The following C10orf71 variants were observed in gnomAD, a reference collection of about 807,000 sequenced individuals.
C10orf71 encodes the protein chromosome 10 open reading frame 71.
For synonymous variants in C10orf71, 758 were observed against 726.3 expected, an observed-to-expected ratio of 1.04 and a Z score of -0.70; for missense variants, 1,869 against 1,804.5, an observed-to-expected ratio of 1.04 and a Z score of -0.65.
intron 1 of C10orf71, among the ~76,000 whole-genome samples, chr10:49,312,862 A>G (rs113701528): frequency 1.4e-4 from 22 of 152,354 alleles, no homozygotes; most frequent in African/African-American, 5.1e-4. Context: ...ATTCAAATTC[A>G]CTAATTTGAA....
chr10:49,316,986 A>T (rs1849010079), intron 2 of C10orf71, among the ~76,000 whole-genome samples: 1 of 152,238 alleles, frequency 6.6e-6, no homozygotes, highest in African/African-American at 2.4e-5. Flanking sequence ...AATTGGGTAG[A>T]GACTGCTTGG....
Position 49,324,147 on chromosome 10 carries a change from G to C in C10orf71, c.1602G>C (p.Lys534Asn), listed in dbSNP as rs923314523. The change falls in exon 3 of 3, where the codon AAG (lysine) becomes AAC (asparagine). Residue 534 changes from lysine to asparagine, a missense_variant. Physicochemically the swap from Lys to Asn is moderately conservative, Grantham distance 94. Transcript: ENST00000374144. ...AAACTAGAGGTAAGGTTGATGGAAAGCAAGAACCTGTGAGCAACGGTGTCA... is the reference window on the plus strand; with the variant it reads ...AAACTAGAGGTAAGGTTGATGGAAACCAAGAACCTGTGAGCAACGGTGTCA... ...DEKTRGKVDG[K>N]QEPVSNGVIL... The C allele has an allele frequency of 6.2e-7, 1 of 1,614,006 alleles. No homozygotes were observed. The highest frequency in any genetic ancestry group is 2.2e-5 in the East Asian group (1 of 44,882).
chr10:49,297,358 T>C (rs1248662942), upstream of C10orf71, among the ~76,000 whole-genome samples: 1 of 152,254 alleles, frequency 6.6e-6, no homozygotes, highest in African/African-American at 2.4e-5. Context: ...GTAAATTTGT[T>C]TCAATGTGTA....
At chr10:49,315,827 A>T (rs1848991038) in intron 1 of C10orf71, among the ~76,000 whole-genome samples, 1 of 152,216 alleles carries the variant, frequency 6.6e-6, no homozygotes, top group Non-Finnish European at 1.5e-5. Flanking sequence ...AGGCCAAGGC[A>T]GGCAGATCAC....
In C10orf71 at chr10:49,324,559, C is replaced by T; in HGVS notation, c.2014C>T (p.Leu672Phe). 3 of 1,613,812 alleles carry T rather than the reference C, an allele frequency of 1.9e-6. No homozygotes were observed. Among genetic ancestry groups the T allele is most frequent in the Non-Finnish European group, 2.5e-6 (3 of 1,179,814 alleles). ...KMKTHQLENGLSRSVSQETEP... is the reference protein window; with the variant it reads ...KMKTHQLENGFSRSVSQETEP... Reference sequence around the variant, plus strand: ...GAAGACCCACCAGCTAGAGAATGGGCTCTCCAGATCTGTGTCCCAAGAGAC... The same window carrying T: ...GAAGACCCACCAGCTAGAGAATGGGTTCTCCAGATCTGTGTCCCAAGAGAC... Residue 672 changes from leucine (L) to phenylalanine (F), a missense_variant, in exon 3 of 3, where the codon CTC becomes TTC. Physicochemically the swap from Leu to Phe is conservative, Grantham distance 22. Transcript: ENST00000374144.
Position 49,322,877 on chromosome 10 carries a change from A to G in C10orf71, c.332A>G (p.Lys111Arg), listed in dbSNP as rs1305762423. The change falls in exon 3 of 3, where the codon AAG becomes AGG. Residue 111 changes from lysine to arginine, a missense_variant. Physicochemically the swap from Lys to Arg is conservative, Grantham distance 26. Coordinates refer to ENST00000374144, the MANE Select transcript of C10orf71 (RefSeq NM_001135196.2). Reference sequence around the variant, plus strand: ...CCCAAGTACGTTCAGGGAGAGGAAAAGTACCCCAAAACCAGCCCCCCACCA... The same window carrying G: ...CCCAAGTACGTTCAGGGAGAGGAAAGGTACCCCAAAACCAGCCCCCCACCA... ...QLPKYVQGEEKYPKTSPPPTP... is the reference protein window; with the variant it reads ...QLPKYVQGEERYPKTSPPPTP... 1.2e-6 allele frequency: 2 copies of G among 1,613,816 alleles called. No individual in the cohort carries two copies. Among genetic ancestry groups the G allele is most frequent in the African/African-American group, 2.7e-5 (2 of 74,906 alleles).
chr10:49,304,203 C>A (rs1250897918), intron 1 of C10orf71, among the ~76,000 whole-genome samples: 3 of 152,212 alleles, frequency 2.0e-5, no homozygotes, highest in Non-Finnish European at 4.4e-5. Context: ...TTGCTACCCA[C>A]TCCTCGCCCT....
Position 49,325,620 on chromosome 10 carries a change from A to C in C10orf71, c.3075A>C (p.Glu1025Asp), listed in dbSNP as rs1849215786. 6.4e-7 allele frequency: 1 copy of C among 1,552,020 alleles called. No individual in the cohort carries two copies. The highest frequency in any genetic ancestry group is 2.4e-5 in the East Asian group (1 of 40,924). ...CATGGCAGCCCGAAAACTGTTGGGA[A>C]GAGCAAACACCAGGTTTCAAGAGTC... The part of the protein sequence containing the change: ...PPPWQPENCW[E>D]EQTPGFKSHF... The change falls in exon 3 of 3, where the codon GAA (glutamate) becomes GAC (aspartate). Residue 1025 changes from glutamate (E) to aspartate (D), a missense_variant. Transcript: ENST00000374144.
In C10orf71 at chr10:49,322,741, A is replaced by C; in HGVS notation, c.196A>C (p.Thr66Pro). 3.7e-6 allele frequency: 6 copies of C among 1,613,754 alleles called. No individual in the cohort carries two copies. Among genetic ancestry groups the C allele is most frequent in the Non-Finnish European group, 4.2e-6 (5 of 1,179,744 alleles). ...GGATATCACCCGACAGGTGTTTGGG[A>C]CTTTTCACCAGAGAACAGTGGGCCA... is the stretch of plus-strand genomic sequence containing the variant. ...SPDITRQVFG[T>P]FHQRTVGHTQ... Residue 66 changes from threonine (T) to proline (P), a missense_variant, in exon 3 of 3, where the codon ACT becomes CCT. Transcript: ENST00000374144.
chr10:49,308,363 C>T (rs890360620), intron 1 of C10orf71, among the ~76,000 whole-genome samples: 2 of 152,240 alleles, frequency 1.3e-5, no homozygotes, highest in African/African-American at 2.4e-5. Flanking sequence ...CTTGTTCTCT[C>T]CCAGGGCACA....
chr10:49,312,300 T>C (rs1221155374), intron 1 of C10orf71, among the ~76,000 whole-genome samples: 1 of 152,204 alleles, frequency 6.6e-6, no homozygotes, highest in African/African-American at 2.4e-5. Context: ...CCAGGGATCC[T>C]GTTTCCCCTA....
Position 49,322,788 on chromosome 10 carries a change from T to A in C10orf71, c.243T>A (p.Ile81=), listed in dbSNP as rs373800620. The part of the protein sequence containing the change: ...TVGHTQRKSG[I]WSQLPSQGTE... The stretch of plus-strand genomic sequence containing the variant: ...GCCACACCCAGAGGAAAAGTGGCAT[T>A]TGGAGCCAGTTACCGTCACAGGGCA... Residue 81 remains isoleucine (I), a synonymous_variant, in exon 3 of 3, where the codon ATT becomes ATA. Transcript: ENST00000374144. 5 of 1,613,470 alleles carry A rather than the reference T, an allele frequency of 3.1e-6. No homozygotes were observed. In the African/African-American group the frequency reaches 6.7e-5, roughly 22 times the overall value.
chr10:49,310,171 G>A (rs1300678686), intron 1 of C10orf71, among the ~76,000 whole-genome samples: 1 of 152,170 alleles, frequency 6.6e-6, no homozygotes, highest in Non-Finnish European at 1.5e-5. Context: ...TGAGCCTCCC[G>A]CAGCACCAGA....
At position 49,327,198 on chromosome 10, in the gene C10orf71, G is replaced by A; in HGVS notation, c.*345G>A. On this transcript the variant is annotated 3_prime_UTR_variant, in exon 3 of 3. Coordinates refer to ENST00000374144, the MANE Select transcript of C10orf71 (RefSeq NM_001135196.2). ...TCTTCCCTCGCCCTGCAAATTAGGT[G>A]GGTGTGGCAAGGGCACCGCCTGGTC... is the stretch of plus-strand genomic sequence containing the variant. The A allele has an allele frequency of 1.8e-6, 1 of 548,372 alleles. No individual in the cohort carries two copies. The highest frequency in any genetic ancestry group is 3.0e-6 in the Non-Finnish European group (1 of 338,368). 34.0% of individuals were successfully genotyped at this position (548,372 alleles called of 1,614,324 possible).
At position 49,326,498 on chromosome 10, in the gene C10orf71, C is replaced by A; in HGVS notation, c.3953C>A (p.Ala1318Asp). The A allele has an allele frequency of 6.4e-7, 1 of 1,550,440 alleles. No homozygotes were observed. Among genetic ancestry groups the A allele is most frequent in the African/African-American group, 1.4e-5 (1 of 73,166 alleles). The change falls in exon 3 of 3, where the codon GCC (alanine) becomes GAC (aspartate). Residue 1318 changes from alanine to aspartate, a missense_variant. Ala to Asp is a moderately radical substitution (Grantham distance 126, BLOSUM62 -2). Transcript: ENST00000374144. ...VKVSIPSSEG[A>D]SPEPPPPDAL... Reference sequence around the variant, plus strand: ...GTCTCCATCCCGTCCTCCGAGGGGGCCTCCCCAGAGCCGCCCCCACCGGAC... The same window carrying A: ...GTCTCCATCCCGTCCTCCGAGGGGGACTCCCCAGAGCCGCCCCCACCGGAC...
chr10:49,324,681 T>C lies in C10orf71; in HGVS notation c.2136T>C (p.Ser712=). ...LSPEEEDVFY[S]DSQSDFMPSL... is the part of the protein sequence containing the mutation. ...CTGAGGAGGAAGATGTGTTTTACAG[T>C]GACAGCCAATCCGATTTTATGCCAA... The change falls in exon 3 of 3, where the codon AGT becomes AGC. Residue 712 remains serine (S), a synonymous_variant. Transcript: ENST00000374144. The C allele has an allele frequency of 1.9e-6, 3 of 1,610,818 alleles. No homozygotes were observed. Among genetic ancestry groups the C allele is most frequent in the Non-Finnish European group, 2.5e-6 (3 of 1,178,452 alleles).
chr10:49,324,736 A>G lies in C10orf71; in HGVS notation c.2191A>G (p.Ser731Gly), dbSNP rs760391682. 3.8e-5 allele frequency: 59 copies of G among 1,571,790 alleles called. 1 individual carries two copies. In the South Asian group the frequency reaches 6.6e-4, roughly 18 times the overall value. Reference protein sequence around the residue: ...SLKGKAKFSTSSSDQSFASFD... With the variant: ...SLKGKAKFSTGSSDQSFASFD... Reference sequence around the variant, plus strand: ...CAAAGGTAAGGCCAAATTCAGCACCAGCTCTTCAGATCAATCCTTTGCCTC... The same window carrying G: ...CAAAGGTAAGGCCAAATTCAGCACCGGCTCTTCAGATCAATCCTTTGCCTC... The change falls in exon 3 of 3, where the codon AGC becomes GGC. Residue 731 changes from serine to glycine, a missense_variant. Coordinates refer to ENST00000374144, the MANE Select transcript of C10orf71 (RefSeq NM_001135196.2).
intron 1 of C10orf71, among the ~76,000 whole-genome samples, chr10:49,300,711 C>T (rs923614101): frequency 6.6e-6 from 1 of 152,142 alleles, no homozygotes; most frequent in Non-Finnish European, 1.5e-5. Context: ...TTGTGCTTAT[C>T]GGGGTGATTT....
chr10:49,303,731 T>G (rs1848766223), intron 1 of C10orf71, among the ~76,000 whole-genome samples: 1 of 152,208 alleles, frequency 6.6e-6, no homozygotes, highest in Admixed American at 6.5e-5. Flanking sequence ...CTTTCAGCTT[T>G]AAATTTGAAA....
Sources: gnomAD v4.1 joint callset for allele counts (sites outside exome capture counted in the v4.1 genomes callset) on GRCh38, gnomAD v4.1.1 for gene constraint, MANE v1.5 for transcripts, NCBI Gene and HGNC (gene_info 2026-07-23, HGNC 2026-07-21) for gene names.